RTN1: variants seen among roughly 807,000 people sequenced by gnomAD.
RTN1 encodes the protein reticulon-1.
RTN1 carries 25 observed loss-of-function variants against 65.5 expected under a neutral mutation model. The ratio of observed to expected loss-of-function variants is 0.38; its 90% CI spans 0.28 to 0.53. The LOEUF is 0.53. Ranked by LOEUF, RTN1 falls within the 20% of genes least tolerant of loss-of-function variation. RTN1 has a pLI of 0.79. For synonymous variants in RTN1, 471 were observed against 447.6 expected (o/e 1.05, Z -0.66); for missense variants, 983 against 1,025.4 (o/e 0.96, Z 0.57).
At chr14:59,834,815 T>A (rs1195705246) in intron 1 of RTN1, among the ~76,000 whole-genome samples, 1 of 152,216 alleles carries the variant, frequency 6.6e-6, no homozygotes, top group Non-Finnish European at 1.5e-5. Flanking sequence ...TGCCACTACA[T>A]GCCTATTAGA....
chr14:59,599,505 T>C (rs1881512245), intron 8 of RTN1, among the ~76,000 whole-genome samples: 1 of 152,188 alleles, frequency 6.6e-6, no homozygotes, highest in South Asian at 2.1e-4. Context: ...CCCAGACACA[T>C]ATTGGATGGA....
chr14:59,714,889 T>C (rs1017544983), intron 3 of RTN1, among the ~76,000 whole-genome samples: 3 of 152,194 alleles, frequency 2.0e-5, no homozygotes, highest in African/African-American at 7.2e-5. Context: ...TCCTGAGCTC[T>C]ACCTCCTGTC....
At chr14:59,802,031 T>C (rs1358951538) in intron 1 of RTN1, among the ~76,000 whole-genome samples, 1 of 152,204 alleles carries the variant, frequency 6.6e-6, no homozygotes, top group East Asian at 1.9e-4. Flanking sequence ...CTCAGTTGTG[T>C]TCCATTTAAT....
At chr14:59,694,020 A>C (rs1884012955) in intron 3 of RTN1, among the ~76,000 whole-genome samples, 1 of 152,064 alleles carries the variant, frequency 6.6e-6, no homozygotes, top group Admixed American at 6.6e-5. Flanking sequence ...CTTCACCTCA[A>C]CCTCAATTTG....
intron 3 of RTN1, among the ~76,000 whole-genome samples, chr14:59,636,074 A>G (rs767210594): frequency 2.4e-4 from 36 of 152,250 alleles, no homozygotes; most frequent in Admixed American, 3.9e-4. Context: ...ATCTAGCCAG[A>G]GGATGCCTAC....
intron 3 of RTN1, among the ~76,000 whole-genome samples, chr14:59,657,467 G>A (rs781676511): frequency 6.6e-6 from 1 of 152,146 alleles, no homozygotes; most frequent in Admixed American, 6.6e-5. Context: ...TGGCCTAATA[G>A]GAACAGCTCT....
At chr14:59,664,700 A>T (rs769161338) in intron 3 of RTN1, among the ~76,000 whole-genome samples, 1 of 151,912 alleles carries the variant, frequency 6.6e-6, no homozygotes, top group Non-Finnish European at 1.5e-5. Context: ...CTTTTTATTT[A>T]TTTTTTTCTG....
chr14:59,632,751 G>A (rs1425169794), intron 3 of RTN1, among the ~76,000 whole-genome samples: 1 of 152,128 alleles, frequency 6.6e-6, no homozygotes, highest in African/African-American at 2.4e-5. Context: ...CTTTAAAGTG[G>A]AGGATACATT....
At chr14:59,671,964 C>G (rs1883514256) in intron 3 of RTN1, among the ~76,000 whole-genome samples, 1 of 152,232 alleles carries the variant, frequency 6.6e-6, no homozygotes, top group Non-Finnish European at 1.5e-5. Flanking sequence ...CTGCTTTTCT[C>G]TTTCCTGAAA....
intron 1 of RTN1, among the ~76,000 whole-genome samples, chr14:59,850,469 T>A (rs1278742022): frequency 6.6e-6 from 1 of 152,242 alleles, no homozygotes; most frequent in Non-Finnish European, 1.5e-5. Context: ...TTCTACTGAA[T>A]GCATATTGCT....
rs61736372 is a variant in RTN1, at chr14:59,746,323, C to T, written c.400G>A (p.Val134Ile). 39 of 1,613,974 alleles carry T rather than the reference C, an allele frequency of 2.4e-5. No individual in the cohort carries two copies. Among genetic ancestry groups the T allele is most frequent in the East Asian group, 1.1e-4 (5 of 44,896 alleles). The change falls in exon 2 of 9, where the codon GTC (valine) becomes ATC (isoleucine). Residue 134 changes from valine (V) to isoleucine (I), a missense_variant. Val to Ile is a conservative substitution (Grantham distance 29, BLOSUM62 3). Coordinates refer to ENST00000267484, the MANE Select transcript of RTN1 (RefSeq NM_021136.3). ...TGILQKENGH[V>I]TISESPEELG... The stretch of plus-strand genomic sequence containing the variant: ...TCCTCAGGGCTCTCTGAAATGGTGA[C>T]GTGGCCATTTTCCTTCTGAAGAATT...
chr14:59,616,805 A>T (rs944443245), intron 3 of RTN1, among the ~76,000 whole-genome samples: 4 of 152,216 alleles, frequency 2.6e-5, no homozygotes, highest in Non-Finnish European at 5.9e-5. Context: ...AAATTGTGCT[A>T]TTGAAAGAGA....
rs1054112465 is a variant in RTN1 at position 59,829,997 on chromosome 14, G to C, written c.241+40393C>G. On this transcript the variant is annotated intron_variant, in intron 1 of 8. Transcript: ENST00000267484. This position sits in a 1 kb window ranked among gnomAD's most constrained non-coding sequence, Gnocchi z 4.3. ...TTAAAAAAATAGCATGTATTTTTGG[G>C]TTTAGTCTTGTGTGACTTTCTTGTA... Among the ~76,000 whole-genome samples the C allele has an allele frequency of 6.6e-6, 1 of 152,126 alleles. No individual in the cohort carries two copies. The highest frequency in any genetic ancestry group is 2.4e-5 in the African/African-American group (1 of 41,418).
At chr14:59,641,756 CA>C (rs912187670) in intron 3 of RTN1, among the ~76,000 whole-genome samples, 4 of 152,204 alleles carry the variant, frequency 2.6e-5, no homozygotes, top group Non-Finnish European at 5.9e-5. Flanking sequence ...AGCAAGTTTA[CA>C]AATTCTTGTA....
At chr14:59,739,358 T>G (rs1447763698) in intron 2 of RTN1, among the ~76,000 whole-genome samples, 1 of 152,054 alleles carries the variant, frequency 6.6e-6, no homozygotes, top group Admixed American at 6.6e-5. Context: ...CTGGCCAGCA[T>G]GGCGAAACCC....
At chr14:59,783,948 T>G (rs887492075) in intron 1 of RTN1, among the ~76,000 whole-genome samples, 20 of 150,520 alleles carry the variant, frequency 1.3e-4, no homozygotes, top group Non-Finnish European at 2.4e-4. Context: ...GTGGTTTAAA[T>G]GCACATATTT....
intron 1 of RTN1, among the ~76,000 whole-genome samples, chr14:59,770,154 G>A (rs1290730557): frequency 1.3e-5 from 2 of 152,136 alleles, no homozygotes; most frequent in Middle Eastern, 3.4e-3. Flanking sequence ...GAGGTGGGCA[G>A]ATGACCTGAA....
At chr14:59,695,284 G>T (rs1276839650) in intron 3 of RTN1, among the ~76,000 whole-genome samples, 1 of 152,098 alleles carries the variant, frequency 6.6e-6, no homozygotes. Context: ...AGAAAGGAGG[G>T]TGAGGATGTG....
chr14:59,762,137 G>T (rs993331840), intron 1 of RTN1, among the ~76,000 whole-genome samples: 4 of 152,066 alleles, frequency 2.6e-5, no homozygotes, highest in Non-Finnish European at 4.4e-5. Context: ...CATAGTGTGT[G>T]GTGTGGTATG....
Sources: allele counts gnomAD v4.1 joint callset (sites outside exome capture counted in the v4.1 genomes callset), GRCh38; gene constraint gnomAD v4.1.1; non-coding constraint Gnocchi (gnomAD v3.1); transcripts MANE v1.5; gene names NCBI Gene and HGNC (gene_info 2026-07-23, HGNC 2026-07-21).